MELTF: variants seen among roughly 807,000 people sequenced by gnomAD.
MELTF encodes the protein antigen p97 (melanoma associated) identified by monoclonal antibodies 133.2 and 96.5.
A neutral mutation model predicts 83.7 loss-of-function variants in MELTF; 67 were observed. The observed-to-expected ratio is 0.80, with a 90% CI of 0.66 to 0.98. MELTF has a LOEUF of 0.98. MELTF is among the 50% of genes least tolerant of loss of function. MELTF has a pLI of 0.00. For missense variants in MELTF, 1,002 were observed against 1,035.6 expected, an observed-to-expected ratio of 0.97 and a Z score of 0.44; for synonymous variants, 462 against 447.6, an observed-to-expected ratio of 1.03 and a Z score of -0.41.
rs148913417 is a variant in MELTF at position 197,021,447 on chromosome 3, G to C, written c.669C>G (p.Asp223Glu). 2 of 1,613,862 alleles carry C rather than the reference G, an allele frequency of 1.2e-6. No homozygotes were observed. Among genetic ancestry groups the C allele is most frequent in the African/African-American group, 2.7e-5 (2 of 74,920 alleles). Reference sequence around the variant, plus strand: ...CCGTGCTGTGCTTCACAAAAGCCACGTCCCCTGCCCCTTCCGCCAGGCACC... The same window carrying C: ...CCGTGCTGTGCTTCACAAAAGCCACCTCCCCTGCCCCTTCCGCCAGGCACC... ...AFRCLAEGAG[D>E]VAFVKHSTVL... The change falls in exon 6 of 16, where the codon GAC becomes GAG. Residue 223 changes from aspartate (D) to glutamate (E), a missense_variant. By Grantham distance (45) the Asp-to-Glu change is conservative. Coordinates refer to ENST00000296350, the MANE Select transcript of MELTF (RefSeq NM_005929.6).
rs1719051455 is a variant in MELTF at position 197,008,327 on chromosome 3, C to T, written c.1750+330G>A. 6.6e-6 allele frequency among the ~76,000 whole-genome samples: 1 copy of T among 152,114 alleles called. No individual in the cohort carries two copies. On this transcript the variant is annotated intron_variant, in intron 13 of 15. Transcript: ENST00000296350. This position sits in a 1 kb window ranked among gnomAD's most constrained non-coding sequence, Gnocchi z 5.4. ...CCCTGTGGAGAGGCTCATGCCACTC[C>T]CACCTCACACCTTGGCACTACATCA... is the stretch of plus-strand genomic sequence containing the variant.
At chr3:197,017,330 G>A in intron 6 of MELTF, 40 bp from the exon 7 acceptor site, 1 of 1,471,296 alleles carries the variant, frequency 6.8e-7, no homozygotes, top group East Asian at 2.5e-5. Context: ...GCTCCGAAAG[G>A]GGTTGGGGCG....
Position 197,021,488 on chromosome 3 carries a change from G to T in MELTF, c.645-17C>A. On this transcript the variant is annotated splice_polypyrimidine_tract_variant and intron_variant, in intron 5 of 15. Transcript: ENST00000296350. ...GCCAGGCACCTGCGGAGGAGAAGCT[G>T]TGGGTCTGGATGGGCTGAGCCCCTG... 1 of 1,612,762 alleles carries T rather than the reference G, an allele frequency of 6.2e-7. No individual in the cohort carries two copies.
intron 2 of MELTF, chr3:197,027,214 T>TG (rs1162493132): frequency 1.0e-5 from 2 of 197,466 alleles, no homozygotes; most frequent in African/African-American, 4.6e-5. Context: ...GATTAGGTCT[T>TG]GGGGGCATAT....
In MELTF at chr3:197,010,406, G is replaced by C. The variant is rs183934255; in HGVS notation, c.1330+292C>G. ...ATGGCCTGGGTTGTAAGCTAAGAATGGTTTTTATATTTTGAAAAGGTTATT... is the reference window on the plus strand; with the variant it reads ...ATGGCCTGGGTTGTAAGCTAAGAATCGTTTTTATATTTTGAAAAGGTTATT... On this transcript the variant is annotated intron_variant, in intron 10 of 15. Coordinates refer to ENST00000296350, the MANE Select transcript of MELTF (RefSeq NM_005929.6). Among the ~76,000 whole-genome samples the C allele has an allele frequency of 6.6e-4, 100 of 152,360 alleles. 1 individual carries two copies. The highest frequency in any genetic ancestry group is 1.7e-3 in the Admixed American group (26 of 15,306).
chr3:197,017,682 C>T (rs1719441636), intron 6 of MELTF, among the ~76,000 whole-genome samples: 1 of 152,030 alleles, frequency 6.6e-6, no homozygotes, highest in South Asian at 2.1e-4. Flanking sequence ...TCAAGACCAT[C>T]CTGGCTAACA....
chr3:197,006,539 C>T lies in MELTF; in HGVS notation c.1938+10G>A. ...ACACCCCTCAATGAGGTAGCCCCACCCTGGCTCACCTGGGCCTTGTCCAGC... is the reference window on the plus strand; with the variant it reads ...ACACCCCTCAATGAGGTAGCCCCACTCTGGCTCACCTGGGCCTTGTCCAGC... On this transcript the variant is annotated intron_variant, in intron 14 of 15. Coordinates refer to ENST00000296350, the MANE Select transcript of MELTF (RefSeq NM_005929.6). The surrounding 1 kb of genome is among the most constrained non-coding windows in gnomAD (Gnocchi z 5.4). 4.3e-6 allele frequency: 7 copies of T among 1,609,764 alleles called. No homozygotes were observed. Among genetic ancestry groups the T allele is most frequent in the Non-Finnish European group, 5.9e-6 (7 of 1,178,100 alleles).
chr3:197,019,450 C>T, intron 6 of MELTF: 1 of 1,437,838 alleles, frequency 7.0e-7, no homozygotes, highest in Non-Finnish European at 9.1e-7. Flanking sequence ...TTACCATCAA[C>T]ACTTTGAAAA....
At chr3:197,019,524 G>A in intron 6 of MELTF, 3 of 1,532,376 alleles carry the variant, frequency 2.0e-6, no homozygotes, top group Non-Finnish European at 2.7e-6. Flanking sequence ...GATCAGTTGA[G>A]GCTGGGGGTT....
intron 10 of MELTF, 51 bp downstream of exon 10, chr3:197,010,647 A>G: frequency 6.7e-7 from 1 of 1,490,510 alleles, no homozygotes; most frequent in Non-Finnish European, 9.3e-7. Context: ...TTATATTTAT[A>G]AAAATATCCC....
In MELTF at chr3:197,008,818, C is replaced by T. The variant is rs1560211739; in HGVS notation, c.1673G>A (p.Gly558Asp). 6.2e-7 allele frequency: 1 copy of T among 1,614,162 alleles called. No individual in the cohort carries two copies. Among genetic ancestry groups the T allele is most frequent in the Non-Finnish European group, 8.5e-7 (1 of 1,180,012 alleles). ...NSQERYYGYR[G>D]AFRCLVENAG... ...CAGGCCACCCGGGTACCTGAAGGCG[C>T]CGCGGTAGCCGTAATACCGCTCCTG... The change falls in exon 12 of 16, where the codon GGC becomes GAC. Residue 558 changes from glycine to aspartate, a missense_variant. Coordinates refer to ENST00000296350, the MANE Select transcript of MELTF (RefSeq NM_005929.6). The surrounding 1 kb of genome is among the most constrained non-coding windows in gnomAD (Gnocchi z 5.4).
chr3:197,019,247 A>G (rs1411630880), intron 6 of MELTF: 3 of 1,019,108 alleles, frequency 2.9e-6, no homozygotes, highest in Admixed American at 5.1e-5. Context: ...GCTCTGGGGC[A>G]TCATTTGCCT....
chr3:197,017,978 C>T (rs2148586544), intron 6 of MELTF, among the ~76,000 whole-genome samples: 1 of 152,318 alleles, frequency 6.6e-6, no homozygotes, highest in South Asian at 2.1e-4. Context: ...GAGCAGGGGG[C>T]AGGGGGCAGG....
At chr3:197,009,878 T>A in intron 10 of MELTF, 66 bp from the exon 11 acceptor site, 2 of 1,428,258 alleles carry the variant, frequency 1.4e-6, no homozygotes, top group Non-Finnish European at 2.0e-6. Flanking sequence ...CCTGGGGGGG[T>A]CCTTCCTTCA....
rs764866178 is a variant in MELTF at position 197,024,711 on chromosome 3, T to C, written c.305-226A>G. ...TTGAGGTAGAGACGATCCTGAGATA[T>C]TGATGTATTCATTGATTTCCCCCTC... On this transcript the variant is annotated intron_variant, in intron 3 of 15. Transcript: ENST00000296350. This position sits in a 1 kb window ranked among gnomAD's most constrained non-coding sequence, Gnocchi z 5.3. Among the ~76,000 whole-genome samples the C allele has an allele frequency of 6.6e-5, 10 of 152,198 alleles. No individual in the cohort carries two copies. The highest frequency in any genetic ancestry group is 1.0e-4 in the Non-Finnish European group (7 of 68,022).
At chr3:197,020,826 G>A (rs1287205447) in intron 6 of MELTF, among the ~76,000 whole-genome samples, 2 of 151,950 alleles carry the variant, frequency 1.3e-5, no homozygotes, top group African/African-American at 4.8e-5. Flanking sequence ...CCACCACCAC[G>A]CTCGGCTAGT....
chr3:197,009,071 C>CT (rs1419918995), intron 11 of MELTF, 106 bp from the exon 12 acceptor site: 1 of 1,335,630 alleles, frequency 7.5e-7, no homozygotes. Flanking sequence ...GGATCCTACA[C>CT]TGCAAGGCCA....
chr3:197,020,921 C>G (rs1013058310), intron 6 of MELTF, among the ~76,000 whole-genome samples: 1 of 152,172 alleles, frequency 6.6e-6, no homozygotes, highest in African/African-American at 2.4e-5. Context: ...CCACCTCGGC[C>G]TCCCAAAGTG....
At chr3:197,028,193 A>C (rs1436313110) in intron 1 of MELTF, 3 of 393,914 alleles carry the variant, frequency 7.6e-6, no homozygotes, top group South Asian at 5.5e-5. Context: ...GTCGCTTCTC[A>C]GCTACCCCCA....
Sources: allele counts gnomAD v4.1 joint callset (sites outside exome capture counted in the v4.1 genomes callset), GRCh38; gene constraint gnomAD v4.1.1; non-coding constraint Gnocchi (gnomAD v3.1); transcripts MANE v1.5; gene names NCBI Gene and HGNC (gene_info 2026-07-23, HGNC 2026-07-21).